Variants in ENKD1 observed in about 807,000 individuals in gnomAD.
ENKD1 encodes enkurin domain containing 1, also known as enkurin domain-containing protein 1.
In ENKD1, 39 loss-of-function variants were observed where a neutral mutation model predicts 35.8. The ratio of observed to expected loss-of-function variants is 1.09; its 90% confidence interval spans 0.84 to 1.42. ENKD1 has a LOEUF of 1.42. ENKD1 is among the 40% of genes most tolerant of loss of function. ENKD1 has a pLI of 0.00. For synonymous variants in ENKD1, 205 were observed against 198.6 expected, an observed-to-expected ratio of 1.03 and a Z score of -0.27; for missense variants, 474 against 471.3, an observed-to-expected ratio of 1.01 and a Z score of -0.05.
At position 67,662,945 on chromosome 16, in the gene ENKD1, T is replaced by G; in HGVS notation, c.*216A>C. 1.5e-6 allele frequency: 1 copy of G among 647,782 alleles called. No homozygotes were observed. The highest frequency in any genetic ancestry group is 2.6e-6 in the Non-Finnish European group (1 of 387,588). The allele number at this position is 647,782 out of a possible 1,614,324, so 40.1% of individuals were successfully genotyped here. A position where few individuals can be genotyped will look rare whatever the true frequency, so the allele number is the denominator to read the frequency against. ...TAAGAAAAGCTCTTATGGAAACAAA[T>G]CCTGTGTACAAAATGTTTAATTTTG... is the stretch of plus-strand genomic sequence containing the variant. On this transcript the variant is annotated 3_prime_UTR_variant, in exon 7 of 7. Coordinates refer to ENST00000243878, the MANE Select transcript of ENKD1 (RefSeq NM_032140.3). This position sits in a 1 kb window ranked among gnomAD's most constrained non-coding sequence, Gnocchi z 6.9.
At position 67,666,108 on chromosome 16, in the gene ENKD1, G is replaced by A; in HGVS notation, c.243C>T (p.Leu81=). The stretch of plus-strand genomic sequence containing the variant: ...CCCCAGGACCTAGGGAGATCCCCTC[G>A]AGTTGCAACAGCACGTCCCCGACGC... ...QRGVGDVLLQ[L]EGISLGPGAS... Residue 81 remains leucine, a synonymous_variant, in exon 2 of 7, where the codon CTC becomes CTT. Transcript: ENST00000243878. The A allele has an allele frequency of 6.2e-7, 1 of 1,612,788 alleles. No homozygotes were observed. Among genetic ancestry groups the A allele is most frequent in the Non-Finnish European group, 8.5e-7 (1 of 1,179,952 alleles).
chr16:67,663,107 A>G lies in ENKD1; in HGVS notation c.*54T>C. ...GATTGGGTCCAACCCTGTCCTTTGC[A>G]GCCATGTGGCGATCCTCAGCATGGA... is the stretch of plus-strand genomic sequence containing the variant. On this transcript the variant is annotated 3_prime_UTR_variant, in exon 7 of 7. Transcript: ENST00000243878. The G allele has an allele frequency of 6.2e-7, 1 of 1,602,818 alleles. No individual in the cohort carries two copies. The highest frequency in any genetic ancestry group is 8.5e-7 in the Non-Finnish European group (1 of 1,173,808).
chr16:67,666,586 GT>G lies in ENKD1; in HGVS notation c.-145del. On this transcript the variant is annotated 5_prime_UTR_variant, in exon 1 of 7. Transcript: ENST00000243878. The stretch of plus-strand genomic sequence containing the variant: ...GCCCGCCACTCCCGGGCCCCTGCCG[GT>G]CCCCGCCTGGGCCCCGGCCTCGCTC... The G allele has an allele frequency of 6.8e-6, 5 of 731,316 alleles. No individual in the cohort carries two copies. Among genetic ancestry groups the G allele is most frequent in the Non-Finnish European group, 1.0e-5 (5 of 492,398 alleles). 45.3% of individuals were successfully genotyped at this position (731,316 alleles called of 1,614,324 possible).
intron 3 of ENKD1, 149 bp from the exon 4 acceptor site, chr16:67,664,211 C>T: frequency 1.4e-6 from 1 of 736,092 alleles, no homozygotes; most frequent in South Asian, 1.5e-5. Flanking sequence ...CTCATCAGCA[C>T]ACAAATGTGT....
chr16:67,666,564 C>A lies in ENKD1; in HGVS notation c.-122G>T. ...CCCGGCACCCTGACCCTGGCGTGCC[C>A]GCCACTCCCGGGCCCCTGCCGGTCC... On this transcript the variant is annotated 5_prime_UTR_variant, in exon 1 of 7. Transcript: ENST00000243878. The A allele has an allele frequency of 2.1e-6, 2 of 950,128 alleles. No individual in the cohort carries two copies. The highest frequency in any genetic ancestry group is 2.0e-5 in the South Asian group (1 of 49,210). The allele number at this position is 950,128 out of a possible 1,614,324, so 58.9% of individuals were successfully genotyped here.
In ENKD1 at chr16:67,663,812, G is replaced by C. The variant is rs762066090; in HGVS notation, c.588C>G (p.Gly196=). 3.7e-6 allele frequency: 6 copies of C among 1,605,654 alleles called. No homozygotes were observed. In the African/African-American group the frequency reaches 8.0e-5, roughly 21 times the overall value. ...TGTGACGAATGAAGTCCACCCCCAG[G>C]CCTGGCTCCTGCAGGACACAGCAAG... is the stretch of plus-strand genomic sequence containing the variant. ...TPPGPEAKEP[G]LGVDFIRHNA... The change falls in exon 5 of 7, where the codon GGC becomes GGG. Residue 196 remains glycine, a synonymous_variant. Coordinates refer to ENST00000243878, the MANE Select transcript of ENKD1 (RefSeq NM_032140.3).
At position 67,666,489 on chromosome 16, in the gene ENKD1, T is replaced by C; in HGVS notation, c.-47A>G. ...CGGTGCCCCGAGGCCTGCAGGGCTGTTTACCTCCCTCCCCGGGCCCCCTTC... is the reference window on the plus strand; with the variant it reads ...CGGTGCCCCGAGGCCTGCAGGGCTGCTTACCTCCCTCCCCGGGCCCCCTTC... On this transcript the variant is annotated 5_prime_UTR_variant, in exon 1 of 7. Transcript: ENST00000243878. 7.2e-7 allele frequency: 1 copy of C among 1,395,922 alleles called. No individual in the cohort carries two copies. Among genetic ancestry groups the C allele is most frequent in the Non-Finnish European group, 9.3e-7 (1 of 1,076,060 alleles). The allele number at this position is 1,395,922 out of a possible 1,614,324, so 86.5% of individuals were successfully genotyped here.
Position 67,663,021 on chromosome 16 carries a change from G to A in ENKD1, c.*140C>T. 1.0e-6 allele frequency: 1 copy of A among 989,448 alleles called. No individual in the cohort carries two copies. The highest frequency in any genetic ancestry group is 2.8e-5 in the Admixed American group (1 of 35,238). The allele number at this position is 989,448 out of a possible 1,614,324, so 61.3% of individuals were successfully genotyped here. ...GCCCTTCTGCAGCCACTGGTGACTGGGAAGAGTGCTCTAGGGACACTGGCC... is the reference window on the plus strand; with the variant it reads ...GCCCTTCTGCAGCCACTGGTGACTGAGAAGAGTGCTCTAGGGACACTGGCC... On this transcript the variant is annotated 3_prime_UTR_variant, in exon 7 of 7. Coordinates refer to ENST00000243878, the MANE Select transcript of ENKD1 (RefSeq NM_032140.3).
At position 67,663,637 on chromosome 16, in the gene ENKD1, T is replaced by G. The variant is rs1282146173; in HGVS notation, c.743+20A>C. 3 of 1,605,880 alleles carry G rather than the reference T, an allele frequency of 1.9e-6. No individual in the cohort carries two copies. In the African/African-American group the frequency reaches 4.0e-5, roughly 21 times the overall value. On this transcript the variant is annotated intron_variant, in intron 5 of 6. Transcript: ENST00000243878. Reference sequence around the variant, plus strand: ...CTCCACAGGTGTCCTTCACCCTGAGTGTCGGGCAGTGAGACCTACTAATGT... The same window carrying G: ...CTCCACAGGTGTCCTTCACCCTGAGGGTCGGGCAGTGAGACCTACTAATGT...
At chr16:67,666,032 C>A (rs2053096589) in intron 2 of ENKD1, 39 bp downstream of exon 2, 1 of 1,595,082 alleles carries the variant, frequency 6.3e-7, no homozygotes, top group Non-Finnish European at 8.6e-7. Flanking sequence ...TTCCACCCCG[C>A]ACTGCCTCTC....
chr16:67,663,593 GC>G (rs754425398), intron 5 of ENKD1, 37 bp from the exon 6 acceptor site: 2 of 1,604,996 alleles, frequency 1.2e-6, no homozygotes, highest in Non-Finnish European at 1.7e-6. Flanking sequence ...TGACCCGAGG[GC>G]AGAGGTTGGT....
chr16:67,663,880 C>A (rs2053065785), intron 4 of ENKD1, 57 bp downstream of exon 4: 3 of 1,602,732 alleles, frequency 1.9e-6, no homozygotes, highest in African/African-American at 1.3e-5. Flanking sequence ...CCCTGAACAC[C>A]CCCCCCACAC....
At chr16:67,664,831 T>C in intron 3 of ENKD1, 165 bp downstream of exon 3, 1 of 778,176 alleles carries the variant, frequency 1.3e-6, no homozygotes, top group East Asian at 2.8e-5. Context: ...AGCCCCACCA[T>C]CACTACTTCT....
rs201039452 is a variant in ENKD1, at chr16:67,664,009, G to A, written c.507C>T (p.Ser169=). The A allele has an allele frequency of 4.4e-6, 7 of 1,576,700 alleles. No individual in the cohort carries two copies. In the East Asian group the frequency reaches 7.0e-5, roughly 16 times the overall value. Reference sequence around the variant, plus strand: ...GTGGTGGGAGGCCAGGGCCGCAGCGGGAGTGCGCCCGCAGGAAGTGGGCAG... The same window carrying A: ...GTGGTGGGAGGCCAGGGCCGCAGCGAGAGTGCGCCCGCAGGAAGTGGGCAG... ...TESAHFLRAH[S]RCGPGLPPPH... Residue 169 remains serine, a synonymous_variant, in exon 4 of 7, where the codon TCC becomes TCT. Coordinates refer to ENST00000243878, the MANE Select transcript of ENKD1 (RefSeq NM_032140.3).
rs770882919 is a variant in ENKD1 at position 67,666,051 on chromosome 16, C to T, written c.280+20G>A. The T allele has an allele frequency of 3.7e-6, 6 of 1,608,984 alleles. No individual in the cohort carries two copies. Among genetic ancestry groups the T allele is most frequent in the African/African-American group, 1.3e-5 (1 of 74,604 alleles). ...ACCCCGCACTGCCTCTCTGTCCCTT[C>T]TTCCATTCCTGGGACTTACTCTTGA... is the stretch of plus-strand genomic sequence containing the variant. On this transcript the variant is annotated intron_variant, in intron 2 of 6. Transcript: ENST00000243878.
chr16:67,665,240 C>A, intron 2 of ENKD1, 72 bp from the exon 3 acceptor site: 2 of 1,513,484 alleles, frequency 1.3e-6, no homozygotes, highest in Non-Finnish European at 1.8e-6. Flanking sequence ...AGTTCACACA[C>A]AGGCCTGCCC....
At position 67,664,032 on chromosome 16, in the gene ENKD1, C is replaced by T. The variant is rs762942318; in HGVS notation, c.484G>A (p.Ala162Thr). The T allele has an allele frequency of 6.4e-7, 1 of 1,562,066 alleles. No individual in the cohort carries two copies. The highest frequency in any genetic ancestry group is 1.2e-5 in the South Asian group (1 of 85,064). ...CGGGAGTGCGCCCGCAGGAAGTGGG[C>T]AGACTCTGTCCCAGAGGCAGGGCCA... ...EPGPASGTES[A>T]HFLRAHSRCG... Residue 162 changes from alanine to threonine, a missense_variant, in exon 4 of 7, where the codon GCC becomes ACC. Ala to Thr is a moderately conservative substitution (Grantham distance 58, BLOSUM62 0). Transcript: ENST00000243878.
rs1321550427 is a variant in ENKD1 at position 67,663,930 on chromosome 16, C to T, written c.579+7G>A. On this transcript the variant is annotated splice_region_variant and intron_variant, in intron 4 of 6. Coordinates refer to ENST00000243878, the MANE Select transcript of ENKD1 (RefSeq NM_032140.3). ...AACCACCATCTAGCCCCCATACATC[C>T]TCTCACCTTAGCTTCGGGACCTGGT... 1 of 1,607,600 alleles carries T rather than the reference C, an allele frequency of 6.2e-7. No individual in the cohort carries two copies. Among genetic ancestry groups the T allele is most frequent in the Non-Finnish European group, 8.5e-7 (1 of 1,177,022 alleles).
chr16:67,665,910 C>T (rs1013395614), intron 2 of ENKD1, among the ~76,000 whole-genome samples, 161 bp downstream of exon 2: 2 of 152,242 alleles, frequency 1.3e-5, no homozygotes, highest in Non-Finnish European at 2.9e-5. Context: ...AGTTCACCTC[C>T]TTCGAGAAGG....
Sources: allele counts gnomAD v4.1 joint callset (sites outside exome capture counted in the v4.1 genomes callset), GRCh38; gene constraint gnomAD v4.1.1; non-coding constraint Gnocchi (gnomAD v3.1); transcripts MANE v1.5; gene names NCBI Gene and HGNC (gene_info 2026-07-23, HGNC 2026-07-21).